CACNA2D3: variants seen among roughly 807,000 people sequenced by gnomAD.
The protein encoded by CACNA2D3 is calcium voltage-gated channel auxiliary subunit alpha2delta 3.
A neutral mutation model predicts 160.6 loss-of-function variants in CACNA2D3; 60 were observed. The observed-to-expected ratio is 0.37, with a 90% CI of 0.30 to 0.46. The LOEUF (loss-of-function observed/expected upper bound fraction) is 0.46. Ranked by LOEUF, CACNA2D3 falls within the 20% of genes least tolerant of loss-of-function variation. The probability of loss-of-function intolerance (pLI) is 1.00; values close to 1 mark genes in which losing one functional copy is unlikely to be tolerated. For synonymous variants in CACNA2D3, 558 were observed against 492.9 expected, an observed-to-expected ratio of 1.13 and a Z score of -1.75; for missense variants, 1,205 against 1,365.0, an observed-to-expected ratio of 0.88 and a Z score of 1.85.
Position 55,069,721 on chromosome 3 carries a change from G to T in CACNA2D3, c.2988-3724G>T, listed in dbSNP as rs531728168. Among the ~76,000 whole-genome samples, 3 of 152,254 alleles carry T rather than the reference G, an allele frequency of 2.0e-5. No individual in the cohort carries two copies. In the East Asian group the frequency reaches 5.8e-4, roughly 29 times the overall value. On this transcript the variant is annotated intron_variant, in intron 35 of 37. Transcript: ENST00000474759. Reference sequence around the variant, plus strand: ...TCACCTGGGGGTAGATTCTCAATGAGCATTTCAGTTTTGTTCATGGCAATT... The same window carrying T: ...TCACCTGGGGGTAGATTCTCAATGATCATTTCAGTTTTGTTCATGGCAATT...
At position 54,758,063 on chromosome 3, in the gene CACNA2D3, GC is replaced by G. The variant is rs1702007785; in HGVS notation, c.1246+5389del. ...AACAAAGGCCAGAGCTGGGATTTAT[GC>G]CCAGCCTGTATGTTCTGGAAATGGC... On this transcript the variant is annotated intron_variant, in intron 12 of 37. Transcript: ENST00000474759. Among the ~76,000 whole-genome samples the G allele has an allele frequency of 2.0e-5, 3 of 152,272 alleles. No homozygotes were observed. In the South Asian group the frequency reaches 6.2e-4, roughly 32 times the overall value.
chr3:54,926,818 G>T (rs1701035991), intron 27 of CACNA2D3, among the ~76,000 whole-genome samples: 1 of 152,116 alleles, frequency 6.6e-6, no homozygotes, highest in Non-Finnish European at 1.5e-5. Flanking sequence ...CAGCATCCTT[G>T]TTCAGACTGC....
In CACNA2D3 at chr3:54,470,408, C is replaced by T. The variant is rs1196900741; in HGVS notation, c.382-33084C>T. Among the ~76,000 whole-genome samples the T allele has an allele frequency of 3.3e-5, 5 of 152,298 alleles. No individual in the cohort carries two copies. The East Asian group carries it at 9.6e-4, about 29-fold the overall frequency. On this transcript the variant is annotated intron_variant, in intron 4 of 37. Coordinates refer to ENST00000474759, the MANE Select transcript of CACNA2D3 (RefSeq NM_018398.3). ...AGAGATTTTGTCATCACCAGGCTTC[C>T]CTTCCACGAGCTCCTGAAGGAAGCA...
chr3:54,289,552 A>G (rs915734375), intron 2 of CACNA2D3, among the ~76,000 whole-genome samples: 4 of 152,122 alleles, frequency 2.6e-5, no homozygotes, highest in African/African-American at 9.7e-5. Flanking sequence ...AATTGGAAAA[A>G]ACTACTTTAA....
chr3:54,835,527 C>G (rs1698658794), intron 14 of CACNA2D3, among the ~76,000 whole-genome samples: 1 of 152,134 alleles, frequency 6.6e-6, no homozygotes, highest in African/African-American at 2.4e-5. Flanking sequence ...GACCTTTACT[C>G]AAGAGACCAG....
chr3:55,011,039 A>G (rs558358912), intron 34 of CACNA2D3, among the ~76,000 whole-genome samples: 1 of 152,356 alleles, frequency 6.6e-6, no homozygotes, highest in South Asian at 2.1e-4. Context: ...CACTATAGTC[A>G]TGGCTTTGTA....
intron 27 of CACNA2D3, among the ~76,000 whole-genome samples, chr3:54,926,345 T>C (rs1489121728): frequency 1.3e-5 from 2 of 152,168 alleles, no homozygotes; most frequent in African/African-American, 4.8e-5. Flanking sequence ...CTGAATCACT[T>C]GCCCAAGTTC....
At chr3:55,044,747 T>G (rs1002277879) in intron 35 of CACNA2D3, among the ~76,000 whole-genome samples, 1 of 152,188 alleles carries the variant, frequency 6.6e-6, no homozygotes. Flanking sequence ...GTTTACTGTT[T>G]GTTTATTTCA....
rs147118107 is a variant in CACNA2D3, at chr3:54,260,038, G to A, written c.205-60404G>A. Among the ~76,000 whole-genome samples the A allele has an allele frequency of 2.9e-3, 443 of 152,306 alleles. 1 individual carries two copies. The highest frequency in any genetic ancestry group is 8.5e-3 in the African/African-American group (352 of 41,574). On this transcript the variant is annotated intron_variant, in intron 2 of 37. Transcript: ENST00000474759. ...TAACTTCTAAGAATTAAACCAAACA[G>A]TGTTTGATGTTTATAGACGTGGAGT...
At chr3:54,862,005 A>G (rs1212494239) in intron 17 of CACNA2D3, among the ~76,000 whole-genome samples, 1 of 152,118 alleles carries the variant, frequency 6.6e-6, no homozygotes, top group Non-Finnish European at 1.5e-5. Context: ...TCACACACAC[A>G]CAAAATCAAA....
intron 35 of CACNA2D3, 88 bp from the exon 36 acceptor site, chr3:55,073,336 TTTGCTTTACAAAATATGGTAG>T (rs1162420369): frequency 1.6e-6 from 1 of 610,818 alleles, no homozygotes. Context: ...GTCTCCAAAA[TTTGCTTTACAAAATATGGTAG>T]TTGCTACCAC....
Position 55,063,595 on chromosome 3 carries a change from C to T in CACNA2D3, c.2988-9850C>T, listed in dbSNP as rs989572. Among the ~76,000 whole-genome samples, 613 of 152,160 alleles carry T rather than the reference C, an allele frequency of 4.0e-3. 4 individuals carry two copies. Among genetic ancestry groups the T allele is most frequent in the East Asian group, 0.036 (188 of 5,174 alleles). On this transcript the variant is annotated intron_variant, in intron 35 of 37. Transcript: ENST00000474759. ...AAGCAGCATGGTGCACTCAGGGGCT[C>T]GTGGGTAGGTCAGCAGCCTGGATGT...
chr3:55,049,068 A>G (rs568128738), intron 35 of CACNA2D3, among the ~76,000 whole-genome samples: 36 of 151,392 alleles, frequency 2.4e-4, no homozygotes, highest in South Asian at 1.1e-3. Context: ...TGGATTCATT[A>G]ATTTTTTGAA....
intron 11 of CACNA2D3, among the ~76,000 whole-genome samples, chr3:54,663,993 G>C (rs1287572016): frequency 6.6e-6 from 1 of 152,194 alleles, no homozygotes; most frequent in Non-Finnish European, 1.5e-5. Context: ...TTCCCTAAAG[G>C]TGATTTGAGC....
At chr3:54,362,710 TC>T (rs1462509321) in intron 3 of CACNA2D3, among the ~76,000 whole-genome samples, 1 of 152,180 alleles carries the variant, frequency 6.6e-6, no homozygotes, top group Non-Finnish European at 1.5e-5. Flanking sequence ...CATGGTGCAC[TC>T]CCATTTTATA....
At chr3:54,657,399 A>C (rs1308722585) in intron 11 of CACNA2D3, among the ~76,000 whole-genome samples, 1 of 152,042 alleles carries the variant, frequency 6.6e-6, no homozygotes, top group Non-Finnish European at 1.5e-5. Flanking sequence ...GTGAGATCTA[A>C]TCTCTTACCA....
intron 5 of CACNA2D3, among the ~76,000 whole-genome samples, chr3:54,527,725 T>C (rs1039581228): frequency 2.0e-5 from 3 of 152,146 alleles, no homozygotes; most frequent in African/African-American, 4.8e-5. Flanking sequence ...CCTCCTGGGA[T>C]GAATGCCCTC....
intron 4 of CACNA2D3, among the ~76,000 whole-genome samples, chr3:54,436,953 A>C (rs1700069395): frequency 6.6e-6 from 1 of 152,202 alleles, no homozygotes; most frequent in East Asian, 1.9e-4. Context: ...GAAGAGGTTA[A>C]AGGGACCTAA....
intron 17 of CACNA2D3, among the ~76,000 whole-genome samples, chr3:54,869,954 C>A (rs1442634041): frequency 6.6e-6 from 1 of 152,182 alleles, no homozygotes; most frequent in East Asian, 1.9e-4. Flanking sequence ...ATAAAACTGA[C>A]CGTGAATGTC....
Sources: gnomAD v4.1 joint callset for allele counts (sites outside exome capture counted in the v4.1 genomes callset) on GRCh38, gnomAD v4.1.1 for gene constraint, MANE v1.5 for transcripts, NCBI Gene and HGNC (gene_info 2026-07-23, HGNC 2026-07-21) for gene names.